INPP4A: variants seen among roughly 807,000 people sequenced by gnomAD.
INPP4A encodes inositol polyphosphate-4-phosphatase type I A, also known as inositol polyphosphate-4-phosphatase, type I, 107kD.
A neutral mutation model predicts 119.8 loss-of-function variants in INPP4A; 33 were observed. The observed-to-expected ratio is 0.28, with a 90% CI of 0.21 to 0.37. The LOEUF (loss-of-function observed/expected upper bound fraction) is 0.37. Ranked by LOEUF, INPP4A falls within the 10% of genes least tolerant of loss-of-function variation. The pLI is 1.00. For synonymous variants in INPP4A, 496 were observed against 500.7 expected (o/e 0.99, Z 0.12); for missense variants, 956 against 1,289.9 (o/e 0.74, Z 3.97).
intron 17 of INPP4A, among the ~76,000 whole-genome samples, chr2:98,560,390 G>T (rs1012957370): frequency 6.6e-6 from 1 of 152,324 alleles, no homozygotes; most frequent in African/African-American, 2.4e-5. Flanking sequence ...CATTGCTAGT[G>T]AAGCCTGTCC....
intron 1 of INPP4A, among the ~76,000 whole-genome samples, chr2:98,479,107 C>G (rs571436040): frequency 3.9e-4 from 60 of 152,284 alleles, no homozygotes; most frequent in African/African-American, 1.4e-3. Context: ...GACCACACTT[C>G]CAGTTGCCCT....
intron 13 of INPP4A, among the ~76,000 whole-genome samples, chr2:98,551,102 C>T (rs1047863972): frequency 4.6e-5 from 7 of 152,086 alleles, no homozygotes; most frequent in Admixed American, 4.6e-4. Context: ...ACCACAAGCA[C>T]AAGCCACCAT....
intron 1 of INPP4A, among the ~76,000 whole-genome samples, chr2:98,494,752 TGAC>T (rs1421301814): frequency 6.6e-6 from 1 of 152,156 alleles, no homozygotes; most frequent in South Asian, 2.1e-4. Flanking sequence ...CCTCAAACTC[TGAC>T]ATCAAAAACT....
chr2:98,528,514 T>C (rs990793511), intron 4 of INPP4A, among the ~76,000 whole-genome samples: 3 of 152,194 alleles, frequency 2.0e-5, no homozygotes, highest in African/African-American at 7.2e-5. Flanking sequence ...ACCAAAAACA[T>C]CCCATGTTTG....
intron 1 of INPP4A, among the ~76,000 whole-genome samples, chr2:98,470,408 C>CT (rs1675750412): frequency 6.6e-6 from 1 of 152,228 alleles, no homozygotes. Context: ...CTTCTGAGCT[C>CT]TAAGTCCTTG....
At chr2:98,478,935 C>T (rs771559379) in intron 1 of INPP4A, among the ~76,000 whole-genome samples, 10 of 152,148 alleles carry the variant, frequency 6.6e-5, no homozygotes, top group Non-Finnish European at 1.2e-4. Flanking sequence ...AGGCATCTTT[C>T]GAAGATGGCA....
chr2:98,468,637 G>T (rs1675293445), intron 1 of INPP4A, among the ~76,000 whole-genome samples: 1 of 152,130 alleles, frequency 6.6e-6, no homozygotes, highest in Non-Finnish European at 1.5e-5. Flanking sequence ...GTGTGTGGCT[G>T]GTGGGTCGCA....
chr2:98,534,268 C>T (rs1423008997), intron 5 of INPP4A, among the ~76,000 whole-genome samples: 1 of 152,194 alleles, frequency 6.6e-6, no homozygotes. Flanking sequence ...CAGAGCCCAC[C>T]AGGGCACAGT....
rs1700275333 is a variant in INPP4A at position 98,589,884 on chromosome 2, G to A, written c.*2276G>A. 1 of 197,448 alleles carries A rather than the reference G, an allele frequency of 5.1e-6. No individual in the cohort carries two copies. The allele number at this position is 197,448 out of a possible 1,614,324, so 12.2% of individuals were successfully genotyped here. ...CTATGGAAAACTGGGAATGTAATGTGGATTCTGTCAGAGCTCCTACAGAGC... is the reference window on the plus strand; with the variant it reads ...CTATGGAAAACTGGGAATGTAATGTAGATTCTGTCAGAGCTCCTACAGAGC... On this transcript the variant is annotated 3_prime_UTR_variant, in exon 25 of 25. Coordinates refer to ENST00000409851, the MANE Select transcript of INPP4A (RefSeq NM_001134225.2).
At chr2:98,462,432 A>T (rs1454113639) in intron 1 of INPP4A, among the ~76,000 whole-genome samples, 1 of 152,220 alleles carries the variant, frequency 6.6e-6, no homozygotes, top group East Asian at 1.9e-4. Context: ...TGGGCAACAG[A>T]TGGAGACTCT....
At chr2:98,535,926 G>A in intron 6 of INPP4A, 81 bp downstream of exon 6, 1 of 771,680 alleles carries the variant, frequency 1.3e-6, no homozygotes, top group Non-Finnish European at 2.2e-6. Flanking sequence ...GATGAACACA[G>A]ATTGACTTCA....
At chr2:98,507,243 A>C (rs1574813684) in intron 1 of INPP4A, among the ~76,000 whole-genome samples, 1 of 152,238 alleles carries the variant, frequency 6.6e-6, no homozygotes, top group South Asian at 2.1e-4. Context: ...CATTAAAGGA[A>C]TATAAACCCG....
chr2:98,578,522 T>C (rs761881409), intron 24 of INPP4A, among the ~76,000 whole-genome samples: 10 of 152,210 alleles, frequency 6.6e-5, no homozygotes, highest in Admixed American at 1.3e-4. Context: ...CAATTCATTC[T>C]GACCACCTCT....
intron 14 of INPP4A, among the ~76,000 whole-genome samples, chr2:98,553,994 T>C (rs1249717540): frequency 6.6e-6 from 1 of 152,314 alleles, no homozygotes; most frequent in East Asian, 1.9e-4. Flanking sequence ...CAATCACAGG[T>C]CAGAGGTAGG....
intron 4 of INPP4A, among the ~76,000 whole-genome samples, chr2:98,521,970 A>G (rs1687280367): frequency 6.6e-6 from 1 of 152,114 alleles, no homozygotes; most frequent in Non-Finnish European, 1.5e-5. Context: ...AAACAGAGAC[A>G]TTGCAGAAAG....
intron 1 of INPP4A, among the ~76,000 whole-genome samples, chr2:98,468,549 A>C (rs1675266224): frequency 6.6e-6 from 1 of 152,082 alleles, no homozygotes; most frequent in African/African-American, 2.4e-5. Context: ...GAAAACAGAA[A>C]ATTTATAAGG....
chr2:98,484,169 C>G (rs1047273572), intron 1 of INPP4A, among the ~76,000 whole-genome samples: 1 of 152,188 alleles, frequency 6.6e-6, no homozygotes, highest in Non-Finnish European at 1.5e-5. Flanking sequence ...CCAGAGGTCT[C>G]TGAGGTCCCA....
chr2:98,524,885 G>A (rs572725952), intron 4 of INPP4A, among the ~76,000 whole-genome samples: 24 of 152,306 alleles, frequency 1.6e-4, no homozygotes, highest in Middle Eastern at 3.4e-3. Flanking sequence ...AGCACTGTTT[G>A]TTTTAGTTTG....
At position 98,446,968 on chromosome 2, in the gene INPP4A, A is replaced by G. The variant is rs762229094; in HGVS notation, c.-166+1883A>G. The stretch of plus-strand genomic sequence containing the variant: ...TATGACAGAGAACTATCAGCCCTGC[A>G]AGTCCCTTTAACCAGCTGCCTGCCT... On this transcript the variant is annotated intron_variant, in intron 1 of 24. Coordinates refer to ENST00000409851, the MANE Select transcript of INPP4A (RefSeq NM_001134225.2). Among the ~76,000 whole-genome samples the G allele has an allele frequency of 3.3e-5, 5 of 152,286 alleles. No homozygotes were observed. The South Asian group carries it at 1.0e-3, about 32-fold the overall frequency.
Sources: gnomAD v4.1 joint callset for allele counts (sites outside exome capture counted in the v4.1 genomes callset) on GRCh38, gnomAD v4.1.1 for gene constraint, MANE v1.5 for transcripts, NCBI Gene and HGNC (gene_info 2026-07-23, HGNC 2026-07-21) for gene names.